Variants in NAALADL2 observed in about 807,000 individuals in gnomAD.
The protein encoded by NAALADL2 is N-acetylated alpha-linked acidic dipeptidase like 2.
In NAALADL2, 76 loss-of-function variants were observed where a neutral mutation model predicts 87.2. The ratio of observed to expected loss-of-function variants is 0.87; its 90% CI spans 0.72 to 1.05. The LOEUF (loss-of-function observed/expected upper bound fraction) is 1.05. Among genes scored for constraint, NAALADL2 ranks in the 50% least tolerant of loss-of-function variants. The pLI, the probability that NAALADL2 is intolerant of heterozygous loss-of-function variation, is 0.00. For missense variants in NAALADL2, 1,089 were observed against 945.8 expected, an observed-to-expected ratio of 1.15 and a Z score of -1.99; for synonymous variants, 354 against 331.0, an observed-to-expected ratio of 1.07 and a Z score of -0.75.
intron 3 of NAALADL2, among the ~76,000 whole-genome samples, chr3:174,798,029 T>C (rs555442521): frequency 1.3e-5 from 2 of 152,332 alleles, no homozygotes; most frequent in African/African-American, 4.8e-5. Context: ...AGTTAGTTTT[T>C]ATTTATTATG....
chr3:174,627,313 G>A (rs1024137911), intron 2 of NAALADL2, among the ~76,000 whole-genome samples: 1 of 151,766 alleles, frequency 6.6e-6, no homozygotes, highest in South Asian at 2.1e-4. Context: ...AGTACATATG[G>A]CCAAGAAATA....
At chr3:175,270,693 C>T (rs1256158412) in intron 4 of NAALADL2, among the ~76,000 whole-genome samples, 1 of 152,064 alleles carries the variant, frequency 6.6e-6, no homozygotes, top group Non-Finnish European at 1.5e-5. Context: ...TCTTAGGGTG[C>T]GTGCTTGTGT....
At chr3:174,874,221 C>T (rs1728201197) in intron 1 of NAALADL2, among the ~76,000 whole-genome samples, 1 of 152,092 alleles carries the variant, frequency 6.6e-6, no homozygotes, top group African/African-American at 2.4e-5. Flanking sequence ...AGTACATGTG[C>T]ACATGTTATA....
chr3:175,072,028 T>C (rs1040153202), intron 1 of NAALADL2, among the ~76,000 whole-genome samples: 2 of 152,044 alleles, frequency 1.3e-5, no homozygotes, highest in African/African-American at 4.8e-5. Flanking sequence ...TTTGAACTTG[T>C]CGGAATATAT....
chr3:175,766,349 C>CG (rs1325642629), intron 13 of NAALADL2, among the ~76,000 whole-genome samples: 1 of 152,020 alleles, frequency 6.6e-6, no homozygotes, highest in Non-Finnish European at 1.5e-5. Context: ...GCTCAGTAGA[C>CG]GGGGATCTTA....
intron 13 of NAALADL2, among the ~76,000 whole-genome samples, chr3:175,797,761 G>A (rs899076745): frequency 2.0e-5 from 3 of 151,916 alleles, no homozygotes; most frequent in Non-Finnish European, 4.4e-5. Flanking sequence ...ACATTACATG[G>A]GAATTCAAAG....
chr3:175,213,172 C>T (rs1039885669), intron 2 of NAALADL2, among the ~76,000 whole-genome samples: 2 of 152,064 alleles, frequency 1.3e-5, no homozygotes, highest in Non-Finnish European at 2.9e-5. Flanking sequence ...ATAACTTGTC[C>T]AAGATCTCGC....
chr3:175,520,681 A>G (rs1470371376), intron 9 of NAALADL2, among the ~76,000 whole-genome samples: 4 of 152,236 alleles, frequency 2.6e-5, no homozygotes, highest in Non-Finnish European at 5.9e-5. Context: ...GATGTGAAAT[A>G]TAATTGAAGT....
At chr3:174,616,619 G>A (rs905665631) in intron 2 of NAALADL2, among the ~76,000 whole-genome samples, 4 of 151,840 alleles carry the variant, frequency 2.6e-5, no homozygotes, top group African/African-American at 9.7e-5. Context: ...CACACTGGTT[G>A]AATATTAATT....
At chr3:175,330,316 T>C (rs556242455) in intron 5 of NAALADL2, among the ~76,000 whole-genome samples, 1 of 152,158 alleles carries the variant, frequency 6.6e-6, no homozygotes, top group Non-Finnish European at 1.5e-5. Flanking sequence ...ATTTTGCAGA[T>C]GCCTTTGGTC....
chr3:175,778,533 A>G (rs577602675), intron 13 of NAALADL2, among the ~76,000 whole-genome samples: 1 of 152,308 alleles, frequency 6.6e-6, no homozygotes, highest in Admixed American at 6.5e-5. Flanking sequence ...GTCAGTTGAG[A>G]ATTATGGGGC....
chr3:175,599,861 A>G (rs1024479872), intron 10 of NAALADL2, among the ~76,000 whole-genome samples: 1 of 152,130 alleles, frequency 6.6e-6, no homozygotes, highest in Non-Finnish European at 1.5e-5. Flanking sequence ...TTCATTTAAT[A>G]TTATGTGAAT....
chr3:175,132,459 C>T (rs1319555159), intron 2 of NAALADL2, among the ~76,000 whole-genome samples: 1 of 13,900 alleles, frequency 7.2e-5, no homozygotes. Context: ...CTCCTCCGGA[C>T]GGGGCGGCTG....
At chr3:175,762,192 A>AT (rs55668165) in intron 13 of NAALADL2, among the ~76,000 whole-genome samples, 39 of 114,136 alleles carry the variant, frequency 3.4e-4, no homozygotes, top group Non-Finnish European at 4.8e-4. Flanking sequence ...CTGTGTTTCG[A>AT]TTTTTTTTTT....
At chr3:174,938,947 G>C (rs142621947) in intron 1 of NAALADL2, among the ~76,000 whole-genome samples, 301 of 151,952 alleles carry the variant, frequency 2.0e-3, no homozygotes, top group African/African-American at 6.7e-3. Context: ...AGAGTAAGCA[G>C]ATATTTTCTC....
chr3:174,897,528 A>G (rs1731701359), intron 1 of NAALADL2, among the ~76,000 whole-genome samples: 1 of 152,154 alleles, frequency 6.6e-6, no homozygotes, highest in African/African-American at 2.4e-5. Context: ...AAATGCTGGC[A>G]AGGATGTGGA....
intron 1 of NAALADL2, among the ~76,000 whole-genome samples, chr3:174,892,364 A>G (rs956504465): frequency 2.6e-5 from 4 of 152,194 alleles, no homozygotes; most frequent in African/African-American, 9.6e-5. Context: ...CCGATAAATT[A>G]AACGAAGATA....
chr3:175,522,245 T>C (rs544644541), intron 9 of NAALADL2, among the ~76,000 whole-genome samples: 1 of 152,298 alleles, frequency 6.6e-6, no homozygotes, highest in South Asian at 2.1e-4. Flanking sequence ...TTCTTCACTA[T>C]AATGTAATTT....
At chr3:175,461,619 G>A (rs1723138865) in intron 6 of NAALADL2, among the ~76,000 whole-genome samples, 2 of 152,148 alleles carry the variant, frequency 1.3e-5, no homozygotes, top group Admixed American at 6.6e-5. Context: ...TTAATGCAAG[G>A]TAATATTGTA....
Sources: gnomAD v4.1 joint callset for allele counts (sites outside exome capture counted in the v4.1 genomes callset) on GRCh38, gnomAD v4.1.1 for gene constraint, MANE v1.5 for transcripts, NCBI Gene and HGNC (gene_info 2026-07-23, HGNC 2026-07-21) for gene names.